The following SLC28A1 variants were observed in gnomAD, a reference collection of about 807,000 sequenced individuals.
SLC28A1 encodes solute carrier family 28 member 1, also known as sodium/nucleoside cotransporter 1.
SLC28A1 carries 64 observed loss-of-function variants against 74.8 expected under a neutral mutation model. That is an observed-to-expected ratio of 0.86 (90% CI 0.70 to 1.05). The LOEUF (loss-of-function observed/expected upper bound fraction) is 1.05, where lower values mean the gene tolerates loss of function less well. Among genes scored for constraint, SLC28A1 ranks in the 50% least tolerant of loss-of-function variants. The pLI, the probability that SLC28A1 is intolerant of heterozygous loss-of-function variation, is 0.00. For missense variants in SLC28A1, 828 were observed against 822.8 expected, an observed-to-expected ratio of 1.01 and a Z score of -0.08; for synonymous variants, 359 against 335.0, an observed-to-expected ratio of 1.07 and a Z score of -0.78.
At chr15:84,895,307 A>T in intron 6 of SLC28A1, 184 bp downstream of exon 6, 1 of 1,602,770 alleles carries the variant, frequency 6.2e-7, no homozygotes, top group Non-Finnish European at 8.5e-7. Flanking sequence ...GTGTTTCACC[A>T]GTTCTTAGTC....
intron 6 of SLC28A1, among the ~76,000 whole-genome samples, chr15:84,903,354 C>T (rs1439146013): frequency 1.3e-5 from 2 of 152,212 alleles, no homozygotes; most frequent in Non-Finnish European, 2.9e-5. Flanking sequence ...CCTCTCTGTG[C>T]CTCAGTTTCC....
At position 84,906,258 on chromosome 15, in the gene SLC28A1, G is replaced by C. The variant is rs111680623; in HGVS notation, c.717+606G>C. Among the ~76,000 whole-genome samples the C allele has an allele frequency of 9.1e-3, 1,389 of 152,058 alleles. 20 individuals are homozygous for C. Among genetic ancestry groups the C allele is most frequent in the African/African-American group, 0.032 (1,340 of 41,504 alleles). On this transcript the variant is annotated intron_variant, in intron 8 of 18. Coordinates refer to ENST00000394573, the MANE Select transcript of SLC28A1 (RefSeq NM_004213.5). ...TGGTCTCGAACTCCTGACCTCAGAC[G>C]ATTCGCTTGCCTCGGCCTCCCAAAG...
chr15:84,954,809 A>G, the SLC28A1 span, among the ~76,000 whole-genome samples: 1 of 152,180 alleles, frequency 6.6e-6, no homozygotes, highest in Non-Finnish European at 1.5e-5. Context: ...TTTTTATGAC[A>G]TGGCTGCAAA....
chr15:84,935,944 G>GTTTTTTTTTTTTTT (rs1555456047), intron 15 of SLC28A1, among the ~76,000 whole-genome samples: 1 of 90,106 alleles, frequency 1.1e-5, no homozygotes, highest in African/African-American at 4.1e-5. Flanking sequence ...GTTTTGGTTT[G>GTTTTTTTTTTTTTT]GTTTTTGTTT....
rs113577701 is a variant in SLC28A1, at chr15:84,888,838, G to A, written c.163G>A (p.Ala55Thr). ...AEIRSSWSEA[A>T]PKPFSRWRNL... The stretch of plus-strand genomic sequence containing the variant: ...GATCAGGAGCAGCTGGAGCGAGGCG[G>A]CGCCGAAGCCCTTCTCCAGATGGTA... Residue 55 changes from alanine (A) to threonine (T), a missense_variant, in exon 4 of 19, where the codon GCG becomes ACG. Around this residue, in one of 3 missense-constraint regions of SLC28A1, gnomAD observed 767 missense variants for 753.5 expected, o/e 1.02. Transcript: ENST00000394573. The A allele has an allele frequency of 4.1e-5, 63 of 1,553,030 alleles. No individual in the cohort carries two copies. The highest frequency in any genetic ancestry group is 3.3e-4 in the African/African-American group (24 of 73,264).
At position 84,905,628 on chromosome 15, in the gene SLC28A1, C is replaced by G; in HGVS notation, c.693C>G (p.Phe231Leu). Residue 231 changes from phenylalanine (F) to leucine (L), a missense_variant, in exon 8 of 19, where the codon TTC becomes TTG. By Grantham distance (22) the Phe-to-Leu change is conservative. Transcript: ENST00000394573. ...VIRTEPGFIA[F>L]EWLGEQIRIF... ...GAACAGAACCAGGATTCATTGCGTT[C>G]GAGTGGCTGGGCGAGCAGATCCGGG... 6.2e-7 allele frequency: 1 copy of G among 1,613,768 alleles called. No homozygotes were observed. The highest frequency in any genetic ancestry group is 8.5e-7 in the Non-Finnish European group (1 of 1,179,730).
chr15:84,908,692 T>C, intron 8 of SLC28A1, 26 bp from the exon 9 acceptor site: 2 of 1,602,118 alleles, frequency 1.2e-6, no homozygotes, highest in African/African-American at 1.3e-5. Flanking sequence ...CTGCCTGTTT[T>C]TGTTTGTTTT....
At chr15:84,913,857 C>CA (rs1968703779) in intron 9 of SLC28A1, among the ~76,000 whole-genome samples, 1 of 152,040 alleles carries the variant, frequency 6.6e-6, no homozygotes. Flanking sequence ...AGGTTGAATT[C>CA]TGTTGAGGCC....
chr15:84,937,039 C>A (rs1438593689), intron 15 of SLC28A1, among the ~76,000 whole-genome samples: 13 of 121,626 alleles, frequency 1.1e-4, no homozygotes, highest in African/African-American at 4.0e-4. Context: ...GGCAACAGAG[C>A]AAGACCCTGT....
In SLC28A1 at chr15:84,889,739, TCC is replaced by T. The variant is rs1414761522; in HGVS notation, c.186-703_186-702del. 1.6e-3 allele frequency among the ~76,000 whole-genome samples: 224 copies of T among 142,978 alleles called. 1 individual carries two copies. Among genetic ancestry groups the T allele is most frequent in the African/African-American group, 2.4e-3 (91 of 37,398 alleles). 93.8% of individuals were successfully genotyped at this position (142,978 alleles called of 152,430 possible). A position where few individuals can be genotyped will look rare whatever the true frequency, so the allele number is the denominator to read the frequency against. ...TTCCTTCCTTCCTTCCTTCCTTCCT[TCC>T]TTCCTTCCTTCCTTCCTTCCTTCCT... On this transcript the variant is annotated intron_variant, in intron 4 of 18. Coordinates refer to ENST00000394573, the MANE Select transcript of SLC28A1 (RefSeq NM_004213.5).
At chr15:84,960,228 C>CTTTTT in the SLC28A1 span, among the ~76,000 whole-genome samples, 49 of 85,586 alleles carry the variant, frequency 5.7e-4, 2 homozygotes, top group Non-Finnish European at 7.6e-4. Flanking sequence ...TGCCTGCCTG[C>CTTTTT]TTTTTTTTTT....
intron 6 of SLC28A1, among the ~76,000 whole-genome samples, chr15:84,899,437 G>A (rs1966362549): frequency 6.6e-6 from 1 of 151,770 alleles, no homozygotes; most frequent in Non-Finnish European, 1.5e-5. Flanking sequence ...TGAACCCCCA[G>A]CACAAGAAAC....
intron 18 of SLC28A1, 78 bp from the exon 19 acceptor site, chr15:84,945,047 T>A: frequency 7.6e-7 from 1 of 1,323,106 alleles, no homozygotes; most frequent in Non-Finnish European, 1.1e-6. Context: ...GAAACAGTGT[T>A]CCCGGTGTTG....
chr15:84,902,301 G>A (rs1452522830), intron 6 of SLC28A1, among the ~76,000 whole-genome samples: 2 of 152,114 alleles, frequency 1.3e-5, no homozygotes, highest in Non-Finnish European at 1.5e-5. Context: ...CCAACATGGT[G>A]AAATCCCATC....
intron 1 of SLC28A1, among the ~76,000 whole-genome samples, chr15:84,885,377 T>C (rs1442258681): frequency 6.6e-6 from 1 of 151,758 alleles, no homozygotes; most frequent in East Asian, 1.9e-4. Context: ...AGAACACTGT[T>C]ACTGTGTGAT....
intron 6 of SLC28A1, chr15:84,895,990 A>C (rs1965962535): frequency 2.1e-6 from 2 of 944,856 alleles, no homozygotes. Flanking sequence ...TTATAAATAC[A>C]TTTACTGTTA....
intron 12 of SLC28A1, among the ~76,000 whole-genome samples, chr15:84,928,525 TCG>T (rs1467199855): frequency 2.7e-4 from 7 of 25,496 alleles, no homozygotes; most frequent in African/African-American, 1.2e-3. Context: ...CCAGGTTCGT[TCG>T]TTCTTTCTTT....
At chr15:84,948,536 T>C (rs2079309185), downstream of SLC28A1, among the ~76,000 whole-genome samples, 1 of 152,156 alleles carries the variant, frequency 6.6e-6, no homozygotes, top group African/African-American at 2.4e-5. Context: ...GGAATATGAA[T>C]TATAAAACCC....
chr15:84,888,966 C>T, intron 4 of SLC28A1, 106 bp downstream of exon 4: 5 of 801,882 alleles, frequency 6.2e-6, no homozygotes, highest in Non-Finnish European at 1.1e-5. Flanking sequence ...GGACGTGAAC[C>T]TTTGTTGAAG....
Sources: gnomAD v4.1 joint callset for allele counts (sites outside exome capture counted in the v4.1 genomes callset) on GRCh38, gnomAD v4.1.1 for gene constraint, gnomAD v4.1.1 regional missense constraint, MANE v1.5 for transcripts, NCBI Gene and HGNC (gene_info 2026-07-23, HGNC 2026-07-21) for gene names.